The following MGAT5 variants were observed in gnomAD, a reference collection of about 807,000 sequenced individuals.
The protein encoded by MGAT5 is alpha-1,6-mannosylglycoprotein 6-beta-N-acetylglucosaminyltransferase, also known as alpha-1,6-mannosylglycoprotein 6-beta-N-acetylglucosaminyltransferase A.
MGAT5 carries 30 observed loss-of-function variants against 94.3 expected under a neutral mutation model. The observed-to-expected ratio is 0.32, with a 90% CI of 0.24 to 0.43. MGAT5 has a LOEUF of 0.43. MGAT5 is among the 20% of genes least tolerant of loss of function. The pLI, the probability that MGAT5 is intolerant of heterozygous loss-of-function variation, is 1.00. For missense variants in MGAT5, 691 were observed against 905.5 expected (o/e 0.76, Z 3.04); for synonymous variants, 310 against 322.9 (o/e 0.96, Z 0.43).
At chr2:134,446,917 C>T (rs919248644) in intron 15 of MGAT5, among the ~76,000 whole-genome samples, 1 of 152,166 alleles carries the variant, frequency 6.6e-6, no homozygotes, top group Non-Finnish European at 1.5e-5. Context: ...GGCTGACAGC[C>T]TGGGAGATCT....
intron 2 of MGAT5, among the ~76,000 whole-genome samples, chr2:134,280,161 C>T (rs1234170604): frequency 1.3e-5 from 2 of 151,992 alleles, no homozygotes; most frequent in Admixed American, 6.6e-5. Context: ...CGCTTACATC[C>T]CAGAAAAAGG....
intron 1 of MGAT5, among the ~76,000 whole-genome samples, chr2:134,240,452 A>C (rs1681918280): frequency 6.6e-6 from 1 of 152,040 alleles, no homozygotes; most frequent in Non-Finnish European, 1.5e-5. Context: ...GAAGAGTGAA[A>C]GCCTACCAGT....
chr2:134,147,532 A>C (rs1220378784), intron 1 of MGAT5, among the ~76,000 whole-genome samples: 1 of 151,902 alleles, frequency 6.6e-6, no homozygotes, highest in African/African-American at 2.4e-5. Flanking sequence ...TAATTAAAAT[A>C]TACAGTGTAG....
intron 1 of MGAT5, among the ~76,000 whole-genome samples, chr2:134,244,110 G>A (rs1007339105): frequency 6.6e-6 from 1 of 152,128 alleles, no homozygotes; most frequent in African/African-American, 2.4e-5. Context: ...TGGCTTTACT[G>A]TCCTTTGAGA....
At chr2:134,378,642 A>C (rs1681344767) in intron 10 of MGAT5, among the ~76,000 whole-genome samples, 2 of 146,844 alleles carry the variant, frequency 1.4e-5, no homozygotes, top group East Asian at 4.0e-4. Flanking sequence ...TTGAGACAGA[A>C]TCTCACTCTG....
chr2:134,167,468 G>C (rs1459642622), intron 1 of MGAT5, among the ~76,000 whole-genome samples: 5 of 152,158 alleles, frequency 3.3e-5, no homozygotes, highest in African/African-American at 9.7e-5. Context: ...CCCCATCCCA[G>C]AGTTTCCGAT....
At position 134,448,643 on chromosome 2, in the gene MGAT5, C is replaced by G. The variant is rs902477934; in HGVS notation, c.2028-6C>G. The G allele has an allele frequency of 1.1e-5, 17 of 1,613,900 alleles. No homozygotes were observed. The highest frequency in any genetic ancestry group is 1.4e-5 in the Non-Finnish European group (17 of 1,179,874). ...CCAACACTTGTGCCTTTCTCTTCCT[C>G]TTCAGGTACAAGGTGACCTGCCAAA... On this transcript the variant is annotated splice_polypyrimidine_tract_variant and splice_region_variant and intron_variant, in intron 15 of 15. Coordinates refer to ENST00000281923, the MANE Select transcript of MGAT5 (RefSeq NM_002410.5).
intron 1 of MGAT5, among the ~76,000 whole-genome samples, chr2:134,162,823 T>C (rs1454651403): frequency 6.6e-6 from 1 of 152,252 alleles, no homozygotes; most frequent in Non-Finnish European, 1.5e-5. Context: ...GGGTAGGTGC[T>C]GTTATTACTG....
At chr2:134,221,661 T>C (rs536050817) in intron 1 of MGAT5, among the ~76,000 whole-genome samples, 1 of 152,338 alleles carries the variant, frequency 6.6e-6, no homozygotes, top group East Asian at 1.9e-4. Context: ...AAATATATTT[T>C]GGGGTAAAAC....
intron 4 of MGAT5, among the ~76,000 whole-genome samples, chr2:134,326,651 ACTC>A (rs1222685994): frequency 6.6e-6 from 1 of 152,076 alleles, no homozygotes; most frequent in East Asian, 1.9e-4. Flanking sequence ...ATGAATAAAC[ACTC>A]CTCATTATGG....
chr2:134,289,729 G>A (rs1412631057), intron 2 of MGAT5, among the ~76,000 whole-genome samples: 2 of 152,190 alleles, frequency 1.3e-5, no homozygotes, highest in African/African-American at 2.4e-5. Flanking sequence ...CTTGGCACAT[G>A]TTAGGTACAG....
chr2:134,235,990 G>A (rs914303315), intron 1 of MGAT5, among the ~76,000 whole-genome samples: 1 of 152,098 alleles, frequency 6.6e-6, no homozygotes, highest in African/African-American at 2.4e-5. Context: ...TCATCATTCT[G>A]AAGTAGTGAA....
intron 4 of MGAT5, among the ~76,000 whole-genome samples, chr2:134,326,325 T>C (rs940301255): frequency 6.6e-6 from 1 of 152,094 alleles, no homozygotes; most frequent in African/African-American, 2.4e-5. Context: ...AACAATCCAT[T>C]GCAGTTATTT....
At chr2:134,226,704 C>T (rs188575870) in intron 1 of MGAT5, among the ~76,000 whole-genome samples, 3 of 152,254 alleles carry the variant, frequency 2.0e-5, no homozygotes, top group East Asian at 1.9e-4. Flanking sequence ...GAGCCCCTAG[C>T]GCCTAGCAGG....
At chr2:134,196,508 C>T (rs959649277) in intron 1 of MGAT5, among the ~76,000 whole-genome samples, 2 of 152,058 alleles carry the variant, frequency 1.3e-5, no homozygotes, top group African/African-American at 2.4e-5. Flanking sequence ...GCAAAGTGAT[C>T]ATTTAAAAAT....
chr2:134,352,666 C>T (rs2106062977), intron 9 of MGAT5, among the ~76,000 whole-genome samples: 1 of 152,252 alleles, frequency 6.6e-6, no homozygotes, highest in East Asian at 1.9e-4. Flanking sequence ...CCTATTTTGA[C>T]TTTAGGACCA....
intron 8 of MGAT5, among the ~76,000 whole-genome samples, 155 bp from the exon 9 acceptor site, chr2:134,349,650 A>G (rs1213420562): frequency 6.6e-6 from 1 of 152,224 alleles, no homozygotes. Flanking sequence ...TTCGGTACAC[A>G]AGCTATTGTA....
rs535661196 is a variant in MGAT5, at chr2:134,442,591, C to T, written c.2027+676C>T. On this transcript the variant is annotated intron_variant, in intron 15 of 15. Coordinates refer to ENST00000281923, the MANE Select transcript of MGAT5 (RefSeq NM_002410.5). ...CTGGCCCAGGGCTGCACAGGGGAGG[C>T]GCCTTCCTTGAATTTCTTACCTTGT... 1.6e-4 allele frequency among the ~76,000 whole-genome samples: 25 copies of T among 152,236 alleles called. No homozygotes were observed. The South Asian group carries it at 5.0e-3, about 30-fold the overall frequency.
chr2:134,308,323 G>A (rs900594889), intron 2 of MGAT5, among the ~76,000 whole-genome samples: 6 of 152,168 alleles, frequency 3.9e-5, no homozygotes, highest in Non-Finnish European at 5.9e-5. Context: ...AAAATTCAGG[G>A]TTGAAATGAG....
Sources: allele counts gnomAD v4.1 joint callset (sites outside exome capture counted in the v4.1 genomes callset), GRCh38; gene constraint gnomAD v4.1.1; transcripts MANE v1.5; gene names NCBI Gene and HGNC (gene_info 2026-07-23, HGNC 2026-07-21).